FBN3: variants seen among roughly 807,000 people sequenced by gnomAD.
FBN3 encodes fibrillin-3.
Under a neutral mutation model 330.1 loss-of-function variants are expected in FBN3, and 234 were observed. That is an observed-to-expected ratio of 0.71 (90% confidence interval 0.64 to 0.79). FBN3 has a LOEUF of 0.79. Among genes scored for constraint, FBN3 ranks in the 30% least tolerant of loss-of-function variants. The probability of loss-of-function intolerance (pLI) is 0.00; values close to 1 mark genes in which losing one functional copy is unlikely to be tolerated. For synonymous variants in FBN3, 1,458 were observed against 1,517.3 expected (o/e 0.96, Z 0.91); for missense variants, 3,606 against 3,886.9 (o/e 0.93, Z 1.92).
At chr19:8,107,376 G>A (rs1002286947) in intron 37 of FBN3, among the ~76,000 whole-genome samples, 4 of 151,278 alleles carry the variant, frequency 2.6e-5, no homozygotes, top group Non-Finnish European at 4.4e-5. Flanking sequence ...GTGGGGGGAT[G>A]GATGAATGGG....
At chr19:8,067,560 C>T (rs868546762) in intron 63 of FBN3, among the ~76,000 whole-genome samples, 8 of 151,968 alleles carry the variant, frequency 5.3e-5, no homozygotes, top group Non-Finnish European at 7.4e-5. Flanking sequence ...CCCAGGAGTT[C>T]GAAGCAGCAG....
Position 8,094,449 on chromosome 19 carries a change from T to A in FBN3, c.5902A>T (p.Ile1968Phe). The change falls in exon 47 of 64, where the codon ATT becomes TTT. Residue 1968 changes from isoleucine to phenylalanine, a missense_variant. Ile to Phe is a conservative substitution (Grantham distance 21). Coordinates refer to ENST00000600128, the MANE Select transcript of FBN3 (RefSeq NM_032447.5). ...GGGAGTGGGGCTGGACACTCACCAA[T>A]GCAGTGGTCACTCTGCACCTGGAAG... ...PGFQVQSDHC[I>F]DIDECSEEPN... 1 of 1,613,022 alleles carries A rather than the reference T, an allele frequency of 6.2e-7. No homozygotes were observed. Among genetic ancestry groups the A allele is most frequent in the Non-Finnish European group, 8.5e-7 (1 of 1,179,388 alleles).
chr19:8,070,451 G>A (rs1303081396), intron 63 of FBN3, among the ~76,000 whole-genome samples: 2 of 152,172 alleles, frequency 1.3e-5, no homozygotes, highest in African/African-American at 4.8e-5. Context: ...AAAATCTGTG[G>A]AGTGAAGAAG....
rs34549426 is a variant in FBN3 at position 8,076,247 on chromosome 19, CGTGT to C, written c.7454-840_7454-837del. ...AACCAGTGTATGGGTTGTCCGTGTGCGTGTGTGTGTGTGTGTGTGTGTGTGTGTG... is the reference window on the plus strand; with the variant it reads ...AACCAGTGTATGGGTTGTCCGTGTGCGTGTGTGTGTGTGTGTGTGTGTGTG... On this transcript the variant is annotated intron_variant, in intron 59 of 63. Coordinates refer to ENST00000600128, the MANE Select transcript of FBN3 (RefSeq NM_032447.5). Among the ~76,000 whole-genome samples, 352 of 147,750 alleles carry C rather than the reference CGTGT, an allele frequency of 2.4e-3. 2 individuals are homozygous for C. The highest frequency in any genetic ancestry group is 8.1e-3 in the East Asian group (40 of 4,962).
Position 8,123,935 on chromosome 19 carries a change from C to T in FBN3, c.2805G>A (p.Arg935=). ...CGATGGAGCAGCAGCAGACGTCCAT[C>T]CGGTACTTGCCAGGCAGGGTGACCC... ...ECGVTLPGKY[R]MDVCCCSIGA... is the part of the protein sequence containing the mutation. Residue 935 remains arginine (R), a synonymous_variant, in exon 23 of 64, where the codon CGG becomes CGA. Coordinates refer to ENST00000600128, the MANE Select transcript of FBN3 (RefSeq NM_032447.5). The T allele has an allele frequency of 6.2e-7, 1 of 1,614,124 alleles. No individual in the cohort carries two copies. Among genetic ancestry groups the T allele is most frequent in the Non-Finnish European group, 8.5e-7 (1 of 1,180,032 alleles).
At chr19:8,136,340 G>A (rs373336733) in intron 11 of FBN3, 31 bp from the exon 12 acceptor site, 137 of 1,605,250 alleles carry the variant, frequency 8.5e-5, no homozygotes, top group East Asian at 1.6e-4. Context: ...GCCCTAGCAC[G>A]AGCAGGGCAG....
At chr19:8,083,220 G>A in intron 57 of FBN3, 27 bp downstream of exon 57, 1 of 1,613,354 alleles carries the variant, frequency 6.2e-7, no homozygotes, top group Admixed American at 1.7e-5. Context: ...CTGGGCCAAG[G>A]GTGCAGGTGC....
chr19:8,080,254 C>T (rs748408398), intron 59 of FBN3, among the ~76,000 whole-genome samples: 3 of 152,196 alleles, frequency 2.0e-5, no homozygotes, highest in East Asian at 1.9e-4. Context: ...TTAGTGGGCG[C>T]GTGAAAGGGG....
In FBN3 at chr19:8,100,956, C is replaced by G. The variant is rs527815867; in HGVS notation, c.5106G>C (p.Leu1702=). 2.4e-5 allele frequency: 38 copies of G among 1,613,846 alleles called. No individual in the cohort carries two copies. Among genetic ancestry groups the G allele is most frequent in the South Asian group, 3.3e-5 (3 of 91,052 alleles). The change falls in exon 41 of 64, where the codon CTG becomes CTC. Residue 1702 remains leucine, a synonymous_variant. Coordinates refer to ENST00000600128, the MANE Select transcript of FBN3 (RefSeq NM_032447.5). Reference sequence around the variant, plus strand: ...GGAATCCCGGGGCCTGATTTCCACACAGGATCTGGTAGTCAGCTGCGCAAA... The same window carrying G: ...GGAATCCCGGGGCCTGATTTCCACAGAGGATCTGGTAGTCAGCTGCGCAAA... The part of the protein sequence containing the change: ...PTPISPDYQI[L]CGNQAPGFLT...
chr19:8,128,180 G>A (rs1171693830), intron 18 of FBN3, among the ~76,000 whole-genome samples: 1 of 152,164 alleles, frequency 6.6e-6, no homozygotes, highest in Non-Finnish European at 1.5e-5. Flanking sequence ...TCTGTAGTTC[G>A]AGTAGGACTT....
intron 24 of FBN3, among the ~76,000 whole-genome samples, chr19:8,122,002 G>A (rs2144901261): frequency 6.6e-6 from 1 of 152,086 alleles, no homozygotes; most frequent in East Asian, 1.9e-4. Flanking sequence ...ACCCGCCTTG[G>A]CCTCCCAAAG....
chr19:8,125,164 T>A (rs1384438443), intron 22 of FBN3, among the ~76,000 whole-genome samples: 4 of 152,048 alleles, frequency 2.6e-5, no homozygotes, highest in Non-Finnish European at 5.9e-5. Context: ...GATGCTGAGG[T>A]AGGGGGATCC....
intron 38 of FBN3, among the ~76,000 whole-genome samples, chr19:8,104,186 T>C (rs1011689296): frequency 7.5e-6 from 1 of 132,678 alleles, no homozygotes; most frequent in Non-Finnish European, 1.7e-5. Flanking sequence ...AAAAAAAACA[T>C]TTACAAGCTG....
chr19:8,121,820 G>A lies in FBN3; in HGVS notation c.3083-434C>T, dbSNP rs1204589539. ...GATGGAGTGCAGTGATGCAATCTCG[G>A]CTCACTGCAACTTCTGCCTCCCAGG... On this transcript the variant is annotated intron_variant, in intron 24 of 63. Transcript: ENST00000600128. This position sits in a 1 kb window ranked among gnomAD's most constrained non-coding sequence, Gnocchi z 4.5. 6.6e-6 allele frequency among the ~76,000 whole-genome samples: 1 copy of A among 152,038 alleles called. No individual in the cohort carries two copies. The highest frequency in any genetic ancestry group is 6.6e-5 in the Admixed American group (1 of 15,246).
chr19:8,124,818 G>A (rs1227774670), intron 22 of FBN3, among the ~76,000 whole-genome samples: 2 of 152,196 alleles, frequency 1.3e-5, no homozygotes, highest in African/African-American at 4.8e-5. Flanking sequence ...TTACAGGCGT[G>A]AGCCACCATG....
chr19:8,082,811 C>CT (rs2081837964), intron 57 of FBN3, among the ~76,000 whole-genome samples: 1 of 147,776 alleles, frequency 6.8e-6, no homozygotes, highest in Non-Finnish European at 1.5e-5. Context: ...TTTTTTCTTT[C>CT]TTTCTTTTCT....
intron 41 of FBN3, among the ~76,000 whole-genome samples, chr19:8,098,061 G>T (rs997824145): frequency 6.6e-6 from 1 of 152,208 alleles, no homozygotes; most frequent in Non-Finnish European, 1.5e-5. Context: ...TTAGATTGAG[G>T]CGATGGTTGT....
At position 8,126,752 on chromosome 19, in the gene FBN3, G is replaced by A. The variant is rs1186475821; in HGVS notation, c.2377C>T (p.Pro793Ser). Residue 793 changes from proline to serine, a missense_variant, in exon 19 of 64, where the codon CCT becomes TCT. Physicochemically the swap from Pro to Ser is moderately conservative, Grantham distance 74. Transcript: ENST00000600128. The part of the protein sequence containing the change: ...LAGSYTCKCG[P>S]GSRLDPSGTF... ...CCAGAGGGGTCCAGCCGGCTGCCAG[G>A]GCCACATTTGCAGGTGTAGGAGCCG... 5 of 1,592,538 alleles carry A rather than the reference G, an allele frequency of 3.1e-6. No homozygotes were observed. The South Asian group carries it at 3.4e-5, about 11-fold the overall frequency.
rs757711844 is a variant in FBN3 at position 8,065,921 on chromosome 19, A to G, written c.8428T>C (p.Ter2810GlnextTer22). ...GGGCCCACTGAGGCTCCTCCCAACT[A>G]AAGCAACTGCAGCTGCACCTTCAGC... ...LRLKVQLQLL[*>Q] The change falls in exon 64 of 64, where the codon TAG (stop) becomes CAG (glutamine). Residue 2810 changes from the stop codon to glutamine, a stop_lost. Transcript: ENST00000600128. 30 of 1,568,498 alleles carry G rather than the reference A, an allele frequency of 1.9e-5. No homozygotes were observed. Among genetic ancestry groups the G allele is most frequent in the Non-Finnish European group, 2.4e-5 (28 of 1,155,574 alleles).
Sources: gnomAD v4.1 joint callset for allele counts (sites outside exome capture counted in the v4.1 genomes callset) on GRCh38, gnomAD v4.1.1 for gene constraint, Gnocchi (gnomAD v3.1) non-coding constraint, MANE v1.5 for transcripts, NCBI Gene and HGNC (gene_info 2026-07-23, HGNC 2026-07-21) for gene names.